Variants in ARSJ observed in about 807,000 individuals in gnomAD.
ARSJ encodes the protein arylsulfatase J.
In ARSJ, 26 loss-of-function variants were observed where a neutral mutation model predicts 35.9. That is an observed-to-expected ratio of 0.72 (90% confidence interval 0.53 to 1.00). The LOEUF (loss-of-function observed/expected upper bound fraction) is 1.00. Ranked by LOEUF, ARSJ falls within the 50% of genes least tolerant of loss-of-function variation. The probability of loss-of-function intolerance (pLI) is 0.00; values close to 1 mark genes in which losing one functional copy is unlikely to be tolerated. For missense variants in ARSJ, 667 were observed against 723.6 expected (o/e 0.92, Z 0.90); for synonymous variants, 294 against 267.6 (o/e 1.10, Z -0.96).
At chr4:113,940,166 T>C (rs139785969) in intron 1 of ARSJ, among the ~76,000 whole-genome samples, 5 of 152,180 alleles carry the variant, frequency 3.3e-5, no homozygotes, top group Non-Finnish European at 5.9e-5. Context: ...TATAAATCAT[T>C]CTGTTATAAA....
chr4:113,914,098 C>T (rs36058490), intron 1 of ARSJ, among the ~76,000 whole-genome samples: 107,323 of 151,820 alleles, frequency 0.71, 38,755 homozygotes, highest in East Asian at 0.81. Context: ...CTCAGCCTCC[C>T]GAGTAGCTGG....
At chr4:113,969,888 A>G (rs569629046) in intron 1 of ARSJ, among the ~76,000 whole-genome samples, 6 of 152,342 alleles carry the variant, frequency 3.9e-5, no homozygotes, top group African/African-American at 1.4e-4. Flanking sequence ...TGGAGATTAT[A>G]AATCAGCTTT....
intron 1 of ARSJ, among the ~76,000 whole-genome samples, chr4:113,913,569 A>G (rs1594396040): frequency 6.6e-6 from 1 of 152,296 alleles, no homozygotes; most frequent in South Asian, 2.1e-4. Context: ...CATTTATAAG[A>G]TTACTTACAG....
chr4:113,978,294 CCA>C, intron 1 of ARSJ, 141 bp downstream of exon 1: 7 of 777,188 alleles, frequency 9.0e-6, no homozygotes, highest in Non-Finnish European at 1.4e-5. Context: ...ACACGGTACC[CCA>C]ATACCATACA....
rs574955185 is a variant in ARSJ at position 113,913,244 on chromosome 4, A to T, written c.399-9569T>A. On this transcript the variant is annotated intron_variant, in intron 1 of 1. Coordinates refer to ENST00000315366, the MANE Select transcript of ARSJ (RefSeq NM_024590.4). ...TGCTATTTGTCCTTGCAATTGCCTT[A>T]CTCATCCACTGTCGGTGAACCTTCA... is the stretch of plus-strand genomic sequence containing the variant. Among the ~76,000 whole-genome samples the T allele has an allele frequency of 4.6e-5, 7 of 152,218 alleles. No individual in the cohort carries two copies. The South Asian group carries it at 1.5e-3, about 32-fold the overall frequency.
chr4:113,941,407 T>C (rs66910062), intron 1 of ARSJ, among the ~76,000 whole-genome samples: 41,333 of 151,940 alleles, frequency 0.27, 5,911 homozygotes, highest in Middle Eastern at 0.4. Context: ...GAAGAAAATC[T>C]ACTAGGAATT....
At chr4:113,970,645 A>C (rs1160533228) in intron 1 of ARSJ, 16 of 152,206 alleles carry the variant, frequency 1.1e-4, no homozygotes, top group Admixed American at 1.0e-3. Context: ...AGTAAAGCAA[A>C]TGTGTTGGGT....
rs753311999 is a variant in ARSJ, at chr4:113,902,804, G to C, written c.1270C>G (p.Pro424Ala). The change falls in exon 2 of 2, where the codon CCC becomes GCC. Residue 424 changes from proline (P) to alanine (A), a missense_variant. Physicochemically the swap from Pro to Ala is conservative, Grantham distance 27. Transcript: ENST00000315366. ...PRVDILHNID[P>A]IYTKAKNGSW... ...CCATTTTTTGCCTTGGTGTATATGGGGTCAATGTTATGCAAAATATCTACT... is the reference window on the plus strand; with the variant it reads ...CCATTTTTTGCCTTGGTGTATATGGCGTCAATGTTATGCAAAATATCTACT... 1 of 1,614,088 alleles carries C rather than the reference G, an allele frequency of 6.2e-7. No individual in the cohort carries two copies. The highest frequency in any genetic ancestry group is 8.5e-7 in the Non-Finnish European group (1 of 1,180,014).
At chr4:113,926,619 A>G (rs550202052) in intron 1 of ARSJ, among the ~76,000 whole-genome samples, 1 of 152,076 alleles carries the variant, frequency 6.6e-6, no homozygotes, top group Non-Finnish European at 1.5e-5. Context: ...TTCCTCATAT[A>G]ACTTACTTGT....
At chr4:113,938,653 A>G (rs943501378) in intron 1 of ARSJ, among the ~76,000 whole-genome samples, 1 of 151,984 alleles carries the variant, frequency 6.6e-6, no homozygotes, top group Non-Finnish European at 1.5e-5. Context: ...GTAATGGTGT[A>G]ATATCCAGAA....
intron 1 of ARSJ, among the ~76,000 whole-genome samples, chr4:113,944,880 G>C (rs562762261): frequency 1.3e-5 from 2 of 151,874 alleles, no homozygotes; most frequent in Non-Finnish European, 1.5e-5. Flanking sequence ...TAACATTCCT[G>C]ATTGTATACA....
intron 1 of ARSJ, among the ~76,000 whole-genome samples, chr4:113,945,866 A>C (rs2149272079): frequency 6.6e-6 from 1 of 152,178 alleles, no homozygotes; most frequent in Non-Finnish European, 1.5e-5. Flanking sequence ...AATTCCACAC[A>C]ACTTATTTTC....
In ARSJ at chr4:113,946,061, C is replaced by A. The variant is rs147773557; in HGVS notation, c.398+32376G>T. 93 of 151,456 alleles carry A rather than the reference C, an allele frequency of 6.1e-4. 2 individuals are homozygous for A. In the East Asian group the frequency reaches 0.012, roughly 20 times the overall value. 9.4% of individuals were successfully genotyped at this position (151,456 alleles called of 1,614,324 possible). A position where few individuals can be genotyped will look rare whatever the true frequency, so the allele number is the denominator to read the frequency against. ...TTCTTCTTGGTATAAAAATAATTTG[C>A]TTTGTGGTTATTGGGATGTGAGTCA... On this transcript the variant is annotated intron_variant, in intron 1 of 1. Coordinates refer to ENST00000315366, the MANE Select transcript of ARSJ (RefSeq NM_024590.4).
intron 1 of ARSJ, among the ~76,000 whole-genome samples, chr4:113,926,347 A>C (rs974227048): frequency 3.3e-5 from 5 of 152,052 alleles, no homozygotes; most frequent in African/African-American, 1.2e-4. Flanking sequence ...AACCAGGTGC[A>C]CTCCTCAAAT....
At chr4:113,940,002 C>T (rs935157291) in intron 1 of ARSJ, among the ~76,000 whole-genome samples, 10 of 151,772 alleles carry the variant, frequency 6.6e-5, no homozygotes, top group South Asian at 4.2e-4. Context: ...CAGATGCTGG[C>T]GAGGCTGTGG....
chr4:113,904,400 G>A (rs1445061747), intron 1 of ARSJ, among the ~76,000 whole-genome samples: 1 of 152,116 alleles, frequency 6.6e-6, no homozygotes, highest in Non-Finnish European at 1.5e-5. Context: ...CTAGTTTCCT[G>A]AGATCATTTA....
chr4:113,919,535 C>T (rs190612293), intron 1 of ARSJ, among the ~76,000 whole-genome samples: 1 of 152,136 alleles, frequency 6.6e-6, no homozygotes, highest in African/African-American at 2.4e-5. Flanking sequence ...AAAGGAGCCC[C>T]GAATGTAGTC....
chr4:113,960,652 T>G (rs902308745), intron 1 of ARSJ, among the ~76,000 whole-genome samples: 2 of 152,146 alleles, frequency 1.3e-5, no homozygotes, highest in Admixed American at 1.3e-4. Context: ...GCTGATTCAT[T>G]ATTTTTACAT....
intron 1 of ARSJ, among the ~76,000 whole-genome samples, chr4:113,916,333 C>T (rs919151746): frequency 2.0e-5 from 3 of 152,032 alleles, no homozygotes; most frequent in Non-Finnish European, 4.4e-5. Flanking sequence ...TTGAGCATGC[C>T]GCTCAACCTG....
Sources: allele counts gnomAD v4.1 joint callset (sites outside exome capture counted in the v4.1 genomes callset), GRCh38; gene constraint gnomAD v4.1.1; transcripts MANE v1.5; gene names NCBI Gene and HGNC (gene_info 2026-07-23, HGNC 2026-07-21).